KIRREL3: variants seen among roughly 807,000 people sequenced by gnomAD.
KIRREL3 encodes the protein kirre like nephrin family adhesion molecule 3.
Under a neutral mutation model 89.7 loss-of-function variants are expected in KIRREL3, and 36 were observed. The observed-to-expected ratio is 0.40, with a 90% CI of 0.31 to 0.53. KIRREL3 has a LOEUF of 0.53. KIRREL3 is among the 20% of genes least tolerant of loss of function. The pLI is 0.49. For missense variants in KIRREL3, 864 were observed against 1,056.6 expected (o/e 0.82, Z 2.53); for synonymous variants, 445 against 441.4 (o/e 1.01, Z -0.10).
rs1450347273 is a variant in KIRREL3 at position 126,969,262 on chromosome 11, T to C, written c.55+31193A>G. Among the ~76,000 whole-genome samples, 1 of 152,132 alleles carries C rather than the reference T, an allele frequency of 6.6e-6. No individual in the cohort carries two copies. Among genetic ancestry groups the C allele is most frequent in the Non-Finnish European group, 1.5e-5 (1 of 68,032 alleles). ...CACAATAGACATGGAGTGCCTCCCA[T>C]GGACACAGGGAATGAAGGGATAGAC... On this transcript the variant is annotated intron_variant, in intron 1 of 16. Coordinates refer to ENST00000525144, the MANE Select transcript of KIRREL3 (RefSeq NM_032531.4). The surrounding 1 kb of genome is among the most constrained non-coding windows in gnomAD (Gnocchi z 4.9).
Position 126,516,312 on chromosome 11 carries a change from AG to A in KIRREL3, c.433+5002del, listed in dbSNP as rs1958406740. Among the ~76,000 whole-genome samples, 5 of 152,298 alleles carry A rather than the reference AG, an allele frequency of 3.3e-5. No individual in the cohort carries two copies. The South Asian group carries it at 1.0e-3, about 32-fold the overall frequency. On this transcript the variant is annotated intron_variant, in intron 4 of 16. Coordinates refer to ENST00000525144, the MANE Select transcript of KIRREL3 (RefSeq NM_032531.4). The surrounding 1 kb of genome is among the most constrained non-coding windows in gnomAD (Gnocchi z 4.9). ...GGCCAGGAAGAAGAGGGAAATGAGG[AG>A]GGAGACTGGGAAAAATGCCCCTCTT...
In KIRREL3 at chr11:126,515,330, G is replaced by T. The variant is rs1476042149; in HGVS notation, c.433+5985C>A. ...CTGGGTGAGGTGGTGCATGCCTGTGGTCTCAGCTACTCGGGAGGCTGAGGT... is the reference window on the plus strand; with the variant it reads ...CTGGGTGAGGTGGTGCATGCCTGTGTTCTCAGCTACTCGGGAGGCTGAGGT... On this transcript the variant is annotated intron_variant, in intron 4 of 16. Transcript: ENST00000525144. This position sits in a 1 kb window ranked among gnomAD's most constrained non-coding sequence, Gnocchi z 4.2. Among the ~76,000 whole-genome samples, 1 of 152,168 alleles carries T rather than the reference G, an allele frequency of 6.6e-6. No individual in the cohort carries two copies. The highest frequency in any genetic ancestry group is 2.4e-5 in the African/African-American group (1 of 41,448).
intron 1 of KIRREL3, among the ~76,000 whole-genome samples, chr11:126,707,249 T>C (rs1051857789): frequency 7.7e-6 from 1 of 129,232 alleles, no homozygotes; most frequent in Admixed American, 7.2e-5. Flanking sequence ...TCCATGGCTT[T>C]TTTTTTTTTT....
In KIRREL3 at chr11:126,694,181, A is replaced by T. The variant is rs1201006490; in HGVS notation, c.56-131269T>A. 6.6e-6 allele frequency among the ~76,000 whole-genome samples: 1 copy of T among 152,226 alleles called. No individual in the cohort carries two copies. Among genetic ancestry groups the T allele is most frequent in the Non-Finnish European group, 1.5e-5 (1 of 68,034 alleles). ...TCAAAGTCGTCAGGCAGTAAAAGAA[A>T]ATTGCAGGGATGGGGAAATAATGAA... On this transcript the variant is annotated intron_variant, in intron 1 of 16. Coordinates refer to ENST00000525144, the MANE Select transcript of KIRREL3 (RefSeq NM_032531.4). The surrounding 1 kb of genome is among the most constrained non-coding windows in gnomAD (Gnocchi z 4.4).
chr11:126,548,141 C>A (rs555131680), intron 2 of KIRREL3, among the ~76,000 whole-genome samples: 52 of 152,280 alleles, frequency 3.4e-4, no homozygotes, highest in Admixed American at 1.5e-3. Context: ...CAGTCCTCCA[C>A]GAGCCTGTCA....
At chr11:126,873,543 T>C (rs1945176878) in intron 1 of KIRREL3, among the ~76,000 whole-genome samples, 1 of 152,226 alleles carries the variant, frequency 6.6e-6, no homozygotes, top group Non-Finnish European at 1.5e-5. Flanking sequence ...TTCTTTTTGC[T>C]CACAAGAGTC....
chr11:126,819,213 T>C (rs946227425), intron 1 of KIRREL3, among the ~76,000 whole-genome samples: 1 of 152,102 alleles, frequency 6.6e-6, no homozygotes, highest in Non-Finnish European at 1.5e-5. Flanking sequence ...GACGGTCCGG[T>C]CAGCCAGGCT....
intron 1 of KIRREL3, among the ~76,000 whole-genome samples, chr11:126,670,917 C>G (rs1205031217): frequency 6.6e-6 from 1 of 152,124 alleles, no homozygotes; most frequent in Non-Finnish European, 1.5e-5. Context: ...TACCTGATTT[C>G]AAGACTTACT....
chr11:126,449,196 G>T, intron 7 of KIRREL3, 39 bp from the exon 8 acceptor site: 1 of 1,607,104 alleles, frequency 6.2e-7, no homozygotes, highest in South Asian at 1.1e-5. Flanking sequence ...GCCTTGAGTG[G>T]CAAGGCCAAC....
intron 1 of KIRREL3, among the ~76,000 whole-genome samples, chr11:126,951,756 A>T (rs1738802982): frequency 6.6e-6 from 1 of 152,216 alleles, no homozygotes; most frequent in Admixed American, 6.5e-5. Flanking sequence ...AGGTAACCAG[A>T]AAGAGAACCA....
intron 1 of KIRREL3, among the ~76,000 whole-genome samples, chr11:126,942,779 C>T (rs1432606889): frequency 6.6e-6 from 1 of 152,194 alleles, no homozygotes; most frequent in Non-Finnish European, 1.5e-5. Flanking sequence ...TGAGGCGCTC[C>T]CTTGAGCCCT....
intron 2 of KIRREL3, among the ~76,000 whole-genome samples, chr11:126,546,855 G>C (rs931707610): frequency 2.0e-5 from 3 of 152,198 alleles, no homozygotes; most frequent in African/African-American, 7.2e-5. Context: ...GGAGGAAAGA[G>C]GGCTAGCATC....
chr11:126,630,596 C>G (rs772559374), intron 1 of KIRREL3, among the ~76,000 whole-genome samples: 85 of 152,150 alleles, frequency 5.6e-4, no homozygotes, highest in Non-Finnish European at 8.1e-4. Flanking sequence ...TTTCCTTATC[C>G]AGCAATGACT....
rs888660575 is a variant in KIRREL3, at chr11:126,557,008, G to A, written c.133+5827C>T. On this transcript the variant is annotated intron_variant, in intron 2 of 16. Coordinates refer to ENST00000525144, the MANE Select transcript of KIRREL3 (RefSeq NM_032531.4). The surrounding 1 kb of genome is among the most constrained non-coding windows in gnomAD (Gnocchi z 5.6). ...ATGACGGTATTAGCCAACATCCCGG[G>A]GGCTCGGCAGGCAGTGGAGGAATGG... Among the ~76,000 whole-genome samples, 5 of 152,172 alleles carry A rather than the reference G, an allele frequency of 3.3e-5. No homozygotes were observed. Among genetic ancestry groups the A allele is most frequent in the East Asian group, 1.9e-4 (1 of 5,190 alleles).
intron 5 of KIRREL3, among the ~76,000 whole-genome samples, chr11:126,469,717 GAGAGGC>G (rs1956833460): frequency 6.6e-6 from 1 of 152,184 alleles, no homozygotes; most frequent in Non-Finnish European, 1.5e-5. Flanking sequence ...TGGTTTGGAG[GAGAGGC>G]CCAGAGAAAT....
chr11:126,450,974 GGT>G (rs2134212240), intron 7 of KIRREL3, among the ~76,000 whole-genome samples: 1 of 134,700 alleles, frequency 7.4e-6, no homozygotes, highest in African/African-American at 2.8e-5. Context: ...TGCATGCATG[GGT>G]GTGTGCATGT....
At position 126,424,781 on chromosome 11, in the gene KIRREL3, C is replaced by T. The variant is rs1441477455; in HGVS notation, c.2136G>A (p.Gln712=). The T allele has an allele frequency of 1.2e-6, 2 of 1,614,066 alleles. No individual in the cohort carries two copies. Among genetic ancestry groups the T allele is most frequent in the Non-Finnish European group, 1.7e-6 (2 of 1,179,898 alleles). The change falls in exon 17 of 17, where the codon CAG becomes CAA. Residue 712 remains glutamine (Q), a synonymous_variant. Transcript: ENST00000525144. ...AGCTGCTGTCGCTGAGGGAGCCTCT[C>T]TGGAACTCCCGCTCACAAAGCTCGA... The part of the protein sequence containing the change: ...SSIELCEREF[Q]RGSLSDSSSF...
chr11:126,588,977 C>T (rs576857778), intron 1 of KIRREL3, among the ~76,000 whole-genome samples: 6 of 152,194 alleles, frequency 3.9e-5, no homozygotes, highest in South Asian at 2.1e-4. Flanking sequence ...CAATTTGGGC[C>T]GTGAAGCCTG....
At position 126,965,486 on chromosome 11, in the gene KIRREL3, C is replaced by T. The variant is rs1168372777; in HGVS notation, c.55+34969G>A. ...CTCATACAATACCTCTTCTCAGTAACAAGATGCTGGTACTGAGAAACCAGT... is the reference window on the plus strand; with the variant it reads ...CTCATACAATACCTCTTCTCAGTAATAAGATGCTGGTACTGAGAAACCAGT... On this transcript the variant is annotated intron_variant, in intron 1 of 16. Coordinates refer to ENST00000525144, the MANE Select transcript of KIRREL3 (RefSeq NM_032531.4). The surrounding 1 kb of genome is among the most constrained non-coding windows in gnomAD (Gnocchi z 4.4). Among the ~76,000 whole-genome samples, 1 of 152,120 alleles carries T rather than the reference C, an allele frequency of 6.6e-6. No individual in the cohort carries two copies. The highest frequency in any genetic ancestry group is 6.6e-5 in the Admixed American group (1 of 15,266).
Sources: gnomAD v4.1 joint callset for allele counts (sites outside exome capture counted in the v4.1 genomes callset) on GRCh38, gnomAD v4.1.1 for gene constraint, Gnocchi (gnomAD v3.1) non-coding constraint, MANE v1.5 for transcripts, NCBI Gene and HGNC (gene_info 2026-07-23, HGNC 2026-07-21) for gene names.